The following USP31 variants were observed in gnomAD, a reference collection of about 807,000 sequenced individuals.
USP31 encodes ubiquitin carboxyl-terminal hydrolase 31.
In USP31, 44 loss-of-function variants were observed where a neutral mutation model predicts 119.4. The ratio of observed to expected loss-of-function variants is 0.37; its 90% CI spans 0.29 to 0.47. The LOEUF is 0.47. Ranked by LOEUF, USP31 falls within the 20% of genes least tolerant of loss-of-function variation. USP31 has a pLI of 0.99. For synonymous variants in USP31, 749 were observed against 705.6 expected (o/e 1.06, Z -0.97); for missense variants, 1,643 against 1,730.2 (o/e 0.95, Z 0.89).
chr16:23,113,740 A>AG (rs2141881388), intron 1 of USP31, among the ~76,000 whole-genome samples: 1 of 152,288 alleles, frequency 6.6e-6, no homozygotes, highest in African/African-American at 2.4e-5. Flanking sequence ...GACCATCTGG[A>AG]GGGGACCTTC....
rs2141825373 is a variant in USP31, at chr16:23,069,072, G to A, written c.3033C>T (p.His1011=). The A allele has an allele frequency of 3.1e-6, 5 of 1,612,458 alleles. No homozygotes were observed. Among genetic ancestry groups the A allele is most frequent in the Non-Finnish European group, 4.2e-6 (5 of 1,180,038 alleles). ...SPVKEVKAPS[H]PGSLAKKPES... is the part of the protein sequence containing the mutation. ...CTGGTTTCTTTGCGAGTGAGCCTGG[G>A]TGGCTGGGGGCTTTCACCTCTTTGA... Residue 1011 remains histidine, a synonymous_variant, in exon 16 of 16, where the codon CAC becomes CAT. Coordinates refer to ENST00000219689, the MANE Select transcript of USP31 (RefSeq NM_020718.4).
chr16:23,124,750 G>A (rs12444209), intron 1 of USP31, among the ~76,000 whole-genome samples: 25,418 of 152,100 alleles, frequency 0.17, 2,637 homozygotes, highest in Admixed American at 0.26. Context: ...TTAGCCAGGT[G>A]TGGTGGTGGG....
intron 1 of USP31, among the ~76,000 whole-genome samples, chr16:23,110,595 C>T (rs2141878528): frequency 6.6e-6 from 1 of 152,268 alleles, no homozygotes; most frequent in South Asian, 2.1e-4. Flanking sequence ...AAACATGGCA[C>T]AGGGAGCCGT....
Position 23,108,085 on chromosome 16 carries a change from G to A in USP31, c.732C>T (p.Leu244=). The change falls in exon 2 of 16, where the codon CTC becomes CTT. Residue 244 remains leucine, a synonymous_variant. Coordinates refer to ENST00000219689, the MANE Select transcript of USP31 (RefSeq NM_020718.4). ...GGCCACTCTGCTTCACTGAATGGTT[G>A]AGGTCTTCATGAACTCGGTCCAAAA... ...LWLLDRVHED[L]NHSVKQSGQP... The A allele has an allele frequency of 6.2e-7, 1 of 1,614,052 alleles. No homozygotes were observed. The highest frequency in any genetic ancestry group is 8.5e-7 in the Non-Finnish European group (1 of 1,179,986).
intron 1 of USP31, among the ~76,000 whole-genome samples, chr16:23,122,117 A>G (rs1567243232): frequency 1.3e-5 from 2 of 152,208 alleles, no homozygotes; most frequent in African/African-American, 2.4e-5. Flanking sequence ...CAATTTTATT[A>G]TTTCAACTTG....
intron 1 of USP31, among the ~76,000 whole-genome samples, chr16:23,109,726 A>G (rs1306766270): frequency 2.0e-5 from 3 of 152,148 alleles, no homozygotes; most frequent in Non-Finnish European, 2.9e-5. Flanking sequence ...TAGCATGTGC[A>G]CTTGATATGT....
chr16:23,141,059 A>T (rs1370131539), intron 1 of USP31, among the ~76,000 whole-genome samples: 1 of 152,178 alleles, frequency 6.6e-6, no homozygotes, highest in Admixed American at 6.5e-5. Context: ...ACATTTTCAC[A>T]AGATCATACC....
intron 13 of USP31, among the ~76,000 whole-genome samples, chr16:23,078,707 T>TA (rs1487846315): frequency 6.6e-6 from 1 of 152,220 alleles, no homozygotes; most frequent in African/African-American, 2.4e-5. Flanking sequence ...TCTGCTGTGA[T>TA]AGAGCCCAGG....
intron 11 of USP31, among the ~76,000 whole-genome samples, chr16:23,083,843 A>C (rs1900964170): frequency 6.6e-6 from 1 of 152,188 alleles, no homozygotes; most frequent in African/African-American, 2.4e-5. Context: ...ACAGACAAAA[A>C]TAATATTAGG....
chr16:23,076,676 C>T (rs11861603), intron 13 of USP31, among the ~76,000 whole-genome samples: 1 of 152,152 alleles, frequency 6.6e-6, no homozygotes, highest in Non-Finnish European at 1.5e-5. Context: ...AAGAGCAACA[C>T]GATGCTAAAG....
At chr16:23,090,000 TA>T (rs889962829) in intron 7 of USP31, among the ~76,000 whole-genome samples, 1 of 151,816 alleles carries the variant, frequency 6.6e-6, no homozygotes, top group African/African-American at 2.4e-5. Flanking sequence ...AAAATAAAAA[TA>T]AAAAAGCTGT....
At chr16:23,122,404 G>A (rs4967974) in intron 1 of USP31, among the ~76,000 whole-genome samples, 42,742 of 151,934 alleles carry the variant, frequency 0.28, 6,361 homozygotes, top group Admixed American at 0.35. Flanking sequence ...AGTGCCTGAC[G>A]GCTCCTCAAA....
intron 1 of USP31, among the ~76,000 whole-genome samples, chr16:23,144,480 T>TC (rs1903448230): frequency 6.6e-6 from 1 of 152,082 alleles, no homozygotes; most frequent in Non-Finnish European, 1.5e-5. Context: ...ACCTTTCTTT[T>TC]TTTTTTTTCC....
intron 9 of USP31, among the ~76,000 whole-genome samples, chr16:23,086,437 G>A (rs544196825): frequency 6.6e-6 from 1 of 152,052 alleles, no homozygotes; most frequent in East Asian, 1.9e-4. Context: ...TAATACAATA[G>A]AGTATTATAA....
intron 1 of USP31, among the ~76,000 whole-genome samples, chr16:23,113,474 A>G (rs772472652): frequency 3.3e-5 from 5 of 152,202 alleles, no homozygotes; most frequent in Non-Finnish European, 5.9e-5. Context: ...GTGGCATCAT[A>G]CAAGTGAGGA....
intron 13 of USP31, among the ~76,000 whole-genome samples, chr16:23,074,535 T>A (rs4967964): frequency 6.6e-6 from 1 of 152,078 alleles, no homozygotes; most frequent in Non-Finnish European, 1.5e-5. Context: ...AAAAGATTAA[T>A]CTGCTTGCCC....
At chr16:23,127,822 A>G (rs1348340289) in intron 1 of USP31, among the ~76,000 whole-genome samples, 2 of 152,124 alleles carry the variant, frequency 1.3e-5, no homozygotes, top group African/African-American at 2.4e-5. Context: ...ACAAAACCAC[A>G]TAGAGAACTA....
chr16:23,073,550 C>T (rs770992519), intron 14 of USP31, among the ~76,000 whole-genome samples, 172 bp downstream of exon 14: 3 of 152,176 alleles, frequency 2.0e-5, no homozygotes, highest in Non-Finnish European at 4.4e-5. Context: ...CTGTCACATT[C>T]CTCCCCAACT....
At chr16:23,104,878 T>A (rs897231111) in intron 5 of USP31, among the ~76,000 whole-genome samples, 2 of 152,226 alleles carry the variant, frequency 1.3e-5, no homozygotes, top group African/African-American at 4.8e-5. Flanking sequence ...TCAACATAAC[T>A]GCTTATCAAA....
Sources: allele counts gnomAD v4.1 joint callset (sites outside exome capture counted in the v4.1 genomes callset), GRCh38; gene constraint gnomAD v4.1.1; transcripts MANE v1.5; gene names NCBI Gene and HGNC (gene_info 2026-07-23, HGNC 2026-07-21).